LRRK1: variants seen among roughly 807,000 people sequenced by gnomAD.
LRRK1 encodes leucine rich repeat kinase 1.
In LRRK1, 113 loss-of-function variants were observed where a neutral mutation model predicts 209.1. That is an observed-to-expected ratio of 0.54 (90% confidence interval 0.46 to 0.63). The LOEUF is 0.63. LRRK1 is among the 30% of genes least tolerant of loss of function. LRRK1 has a pLI of 0.00. For synonymous variants in LRRK1, 1,144 were observed against 1,099.7 expected (o/e 1.04, Z -0.80); for missense variants, 2,284 against 2,632.2 (o/e 0.87, Z 2.89).
chr15:100,938,572 C>A (rs2141606129), intron 2 of LRRK1, among the ~76,000 whole-genome samples: 1 of 152,164 alleles, frequency 6.6e-6, no homozygotes, highest in Non-Finnish European at 1.5e-5. Flanking sequence ...ATCCTCCCTC[C>A]TTCCCCCACA....
intron 13 of LRRK1, chr15:101,021,634 G>A (rs148339837): frequency 2.4e-4 from 134 of 552,474 alleles, no homozygotes; most frequent in Non-Finnish European, 3.9e-4. Context: ...ATTCTAAGCC[G>A]TGGGGATTTG....
At chr15:100,985,279 C>T (rs1023384524) in intron 4 of LRRK1, among the ~76,000 whole-genome samples, 7 of 152,130 alleles carry the variant, frequency 4.6e-5, no homozygotes, top group Admixed American at 1.3e-4. Flanking sequence ...TGCCTCTTCT[C>T]GGGGAGCCCC....
chr15:100,994,171 A>G (rs1225439913), intron 6 of LRRK1, among the ~76,000 whole-genome samples: 1 of 152,242 alleles, frequency 6.6e-6, no homozygotes, highest in Admixed American at 6.5e-5. Flanking sequence ...TGTTTTACAT[A>G]TGAAATTATT....
rs2033853882 is a variant in LRRK1, at chr15:101,022,679, C to T, written c.2067+82C>T. On this transcript the variant is annotated intron_variant, in intron 15 of 33. Transcript: ENST00000388948. The surrounding 1 kb of genome is among the most constrained non-coding windows in gnomAD (Gnocchi z 4.0). ...CCTTCTCCCTTCTCCCCAGAGAGCC[C>T]AGGATTTTCTCAGCCTGGTGTCCAA... is the stretch of plus-strand genomic sequence containing the variant. 4.8e-6 allele frequency: 5 copies of T among 1,040,164 alleles called. No individual in the cohort carries two copies. The highest frequency in any genetic ancestry group is 5.5e-6 in the Non-Finnish European group (4 of 722,302). 64.4% of individuals were successfully genotyped at this position (1,040,164 alleles called of 1,614,324 possible).
At chr15:101,038,037 G>A (rs1461901781) in intron 20 of LRRK1, among the ~76,000 whole-genome samples, 1 of 152,296 alleles carries the variant, frequency 6.6e-6, no homozygotes, top group Non-Finnish European at 1.5e-5. Flanking sequence ...ATACTACTCA[G>A]CCATATAAAG....
At chr15:101,007,321 G>A (rs1467433418) in intron 6 of LRRK1, among the ~76,000 whole-genome samples, 1 of 152,036 alleles carries the variant, frequency 6.6e-6, no homozygotes, top group African/African-American at 2.4e-5. Context: ...CAGTTGCTTC[G>A]AAGAAACAGA....
intron 2 of LRRK1, among the ~76,000 whole-genome samples, chr15:100,962,810 T>TATATATATACATATATATATATATAC (rs1596204564): frequency 6.6e-5 from 2 of 30,232 alleles, no homozygotes; most frequent in African/African-American, 2.1e-4. Flanking sequence ...TATATATATA[T>TATATATATACATATATATATATATAC]ATATATATAT....
chr15:100,966,756 A>C (rs2030489071), intron 2 of LRRK1, among the ~76,000 whole-genome samples: 1 of 152,198 alleles, frequency 6.6e-6, no homozygotes, highest in African/African-American at 2.4e-5. Context: ...GAAACAGATA[A>C]ACACCACAAC....
intron 21 of LRRK1, 37 bp from the exon 22 acceptor site, chr15:101,048,457 C>T (rs2035210474): frequency 1.3e-6 from 2 of 1,586,454 alleles, no homozygotes; most frequent in Middle Eastern, 1.7e-4. Flanking sequence ...GCGAGGAGCC[C>T]AGAATACTTA....
chr15:101,037,677 G>A (rs972180749), intron 20 of LRRK1, among the ~76,000 whole-genome samples: 4 of 152,106 alleles, frequency 2.6e-5, no homozygotes, highest in East Asian at 1.9e-4. Context: ...CCTTTAAGGT[G>A]GTAGCCTATG....
intron 11 of LRRK1, 111 bp from the exon 12 acceptor site, chr15:101,015,215 G>A (rs1164242717): frequency 6.1e-6 from 5 of 813,986 alleles, no homozygotes; most frequent in African/African-American, 3.4e-5. Context: ...GCCCTGAAGA[G>A]TTGCACATGA....
chr15:100,987,655 G>T (rs1029267774), intron 4 of LRRK1, among the ~76,000 whole-genome samples: 1 of 152,036 alleles, frequency 6.6e-6, no homozygotes, highest in Non-Finnish European at 1.5e-5. Flanking sequence ...CATGAGTTAG[G>T]GTTTATTGAT....
At position 101,024,505 on chromosome 15, in the gene LRRK1, C is replaced by T. The variant is rs939718541; in HGVS notation, c.2068-298C>T. The stretch of plus-strand genomic sequence containing the variant: ...CAGAGCACAGCTTCCTCCCACAGGG[C>T]ATCCCCTACCCATCTGCAGCCCAGA... On this transcript the variant is annotated intron_variant, in intron 15 of 33. Transcript: ENST00000388948. This position sits in a 1 kb window ranked among gnomAD's most constrained non-coding sequence, Gnocchi z 4.6. Among the ~76,000 whole-genome samples the T allele has an allele frequency of 6.6e-6, 1 of 152,198 alleles. No homozygotes were observed. Among genetic ancestry groups the T allele is most frequent in the Non-Finnish European group, 1.5e-5 (1 of 68,026 alleles).
At chr15:101,042,613 C>T (rs2034819725) in intron 20 of LRRK1, among the ~76,000 whole-genome samples, 1 of 152,164 alleles carries the variant, frequency 6.6e-6, no homozygotes, top group Non-Finnish European at 1.5e-5. Flanking sequence ...AGCCCTTGAG[C>T]ATTGGGCAGC....
At chr15:100,974,279 G>A (rs1469056308) in intron 3 of LRRK1, 3 of 265,408 alleles carry the variant, frequency 1.1e-5, no homozygotes, top group Non-Finnish European at 2.1e-5. Context: ...CGTTTTTGTC[G>A]TTATAAAAAG....
chr15:100,941,460 GTCTC>G lies in LRRK1; in HGVS notation c.97+16733_97+16736del, dbSNP rs1256539031. ...TGTGTGTGTGTCTGTGTGTGTCTAT[GTCTC>G]TGTGTGTGTGTGTGTGTGTGTGTGT... On this transcript the variant is annotated intron_variant, in intron 2 of 33. Coordinates refer to ENST00000388948, the MANE Select transcript of LRRK1 (RefSeq NM_024652.6). Among the ~76,000 whole-genome samples the G allele has an allele frequency of 1.2e-3, 86 of 74,670 alleles. 12 individuals are homozygous for G. Among genetic ancestry groups the G allele is most frequent in the African/African-American group, 6.5e-3 (82 of 12,684 alleles). 49.0% of individuals were successfully genotyped at this position (74,670 alleles called of 152,430 possible). A position where few individuals can be genotyped will look rare whatever the true frequency, so the allele number is the denominator to read the frequency against.
Position 101,021,090 on chromosome 15 carries a change from T to C in LRRK1, c.1647T>C (p.Ser549=), listed in dbSNP as rs770331453. Residue 549 remains serine (S), a synonymous_variant, in exon 13 of 34, where the codon TCT becomes TCC. Coordinates refer to ENST00000388948, the MANE Select transcript of LRRK1 (RefSeq NM_024652.6). ...VLEFPAFLSE[S]LEVLCLNDNH... ...AATTTCCGGCCTTCCTAAGTGAGTC[T>C]TTGGAAGTCCTTTGCCTGAACGACA... is the stretch of plus-strand genomic sequence containing the variant. 6.8e-6 allele frequency: 11 copies of C among 1,614,074 alleles called. No homozygotes were observed. The Admixed American group carries it at 1.5e-4, about 22-fold the overall frequency.
Position 101,053,898 on chromosome 15 carries a change from T to C in LRRK1, c.4054+478T>C, listed in dbSNP as rs543929559. Among the ~76,000 whole-genome samples the C allele has an allele frequency of 2.6e-5, 4 of 152,274 alleles. No homozygotes were observed. The South Asian group carries it at 8.3e-4, about 32-fold the overall frequency. ...TCCAGAGTGGCCAGAGGGTGAAAGG[T>C]AGCTGTCTTTTGACTAAGGAAGAAG... is the stretch of plus-strand genomic sequence containing the variant. On this transcript the variant is annotated intron_variant, in intron 26 of 33. Transcript: ENST00000388948.
rs1307396292 is a variant in LRRK1, at chr15:101,051,977, C to A, written c.3689+17C>A. Reference sequence around the variant, plus strand: ...CCCGGCCAGGTATGCCCCGAAGGCCCCTCCCAGAACACAGTGCAGGTCACA... The same window carrying A: ...CCCGGCCAGGTATGCCCCGAAGGCCACTCCCAGAACACAGTGCAGGTCACA... On this transcript the variant is annotated intron_variant, in intron 24 of 33. Coordinates refer to ENST00000388948, the MANE Select transcript of LRRK1 (RefSeq NM_024652.6). 2 of 1,609,328 alleles carry A rather than the reference C, an allele frequency of 1.2e-6. No individual in the cohort carries two copies. Among genetic ancestry groups the A allele is most frequent in the African/African-American group, 2.7e-5 (2 of 74,868 alleles).
Sources: allele counts gnomAD v4.1 joint callset (sites outside exome capture counted in the v4.1 genomes callset), GRCh38; gene constraint gnomAD v4.1.1; non-coding constraint Gnocchi (gnomAD v3.1); transcripts MANE v1.5; gene names NCBI Gene and HGNC (gene_info 2026-07-23, HGNC 2026-07-21).